SOX8: variants seen among roughly 807,000 people sequenced by gnomAD.
SOX8 encodes transcription factor SOX-8.
Under a neutral mutation model 22.9 loss-of-function variants are expected in SOX8, and 9 were observed. The observed-to-expected ratio is 0.39, with a 90% CI of 0.24 to 0.69. The LOEUF (loss-of-function observed/expected upper bound fraction) is 0.69, where lower values mean the gene tolerates loss of function less well. Among genes scored for constraint, SOX8 ranks in the 30% least tolerant of loss-of-function variants. The pLI is 0.43. For missense variants in SOX8, 734 were observed against 699.4 expected, an observed-to-expected ratio of 1.05 and a Z score of -0.56; for synonymous variants, 416 against 330.6, an observed-to-expected ratio of 1.26 and a Z score of -2.80.
Position 984,080 on chromosome 16 carries a change from T to C in SOX8, c.655+120T>C, listed in dbSNP as rs914833463. ...CAGGCGCCCTCGAGAGAACCGGGCC[T>C]TCCCCGGGTTCCCTGAAAAAGCTCC... On this transcript the variant is annotated intron_variant, in intron 2 of 2. Transcript: ENST00000293894. 3.2e-5 allele frequency: 28 copies of C among 874,254 alleles called. No individual in the cohort carries two copies. The African/African-American group carries it at 4.7e-4, about 15-fold the overall frequency. The allele number at this position is 874,254 out of a possible 1,614,324, so 54.2% of individuals were successfully genotyped here.
chr16:985,812 T>G lies in SOX8; in HGVS notation c.*426T>G. On this transcript the variant is annotated 3_prime_UTR_variant, in exon 3 of 3. Coordinates refer to ENST00000293894, the MANE Select transcript of SOX8 (RefSeq NM_014587.5). ...GAGAGCCCCTGCACTCAAGGCCACA[T>G]TCCCTCGACAACGGCTGCACGGGCT... The G allele has an allele frequency of 6.0e-6, 1 of 167,294 alleles. No individual in the cohort carries two copies. Among genetic ancestry groups the G allele is most frequent in the Non-Finnish European group, 1.3e-5 (1 of 78,838 alleles). 10.4% of individuals were successfully genotyped at this position (167,294 alleles called of 1,614,324 possible). A position where few individuals can be genotyped will look rare whatever the true frequency, so the allele number is the denominator to read the frequency against.
At position 986,083 on chromosome 16, in the gene SOX8, A is replaced by G. The variant is rs2073458946; in HGVS notation, c.*697A>G. ...TTCTGTGTTATTTTATCTTTAATTA[A>G]TGAGGTAATTCGGGCAAAGAGTAGA... On this transcript the variant is annotated 3_prime_UTR_variant, in exon 3 of 3. Transcript: ENST00000293894. 7.3e-6 allele frequency: 1 copy of G among 137,062 alleles called. No individual in the cohort carries two copies. Among genetic ancestry groups the G allele is most frequent in the African/African-American group, 2.5e-5 (1 of 40,484 alleles). 8.5% of individuals were successfully genotyped at this position (137,062 alleles called of 1,614,324 possible).
At position 981,913 on chromosome 16, in the gene SOX8, C is replaced by T. The variant is rs560820826; in HGVS notation, c.-10C>T. On this transcript the variant is annotated 5_prime_UTR_variant, in exon 1 of 3. Coordinates refer to ENST00000293894, the MANE Select transcript of SOX8 (RefSeq NM_014587.5). ...CGTCTCCTGTGCGCGCCCCTCCGCG[C>T]GCGGCCCCGATGCTGGACATGAGCG... The T allele has an allele frequency of 4.8e-6, 6 of 1,250,642 alleles. No homozygotes were observed. The highest frequency in any genetic ancestry group is 5.0e-6 in the Non-Finnish European group (5 of 996,216). 77.5% of individuals were successfully genotyped at this position (1,250,642 alleles called of 1,614,324 possible). A position where few individuals can be genotyped will look rare whatever the true frequency, so the allele number is the denominator to read the frequency against.
rs900543269 is a variant in SOX8 at position 982,195 on chromosome 16, C to T, written c.273C>T (p.Gly91=). The stretch of plus-strand genomic sequence containing the variant: ...TGGTGCCCATGCCGGTGCGCGGCGG[C>T]GGCGGCGGCGCGCTCAAAGCCAAGC... ...WSLVPMPVRG[G]GGGALKAKPH... The change falls in exon 1 of 3, where the codon GGC becomes GGT. Residue 91 remains glycine, a synonymous_variant. Transcript: ENST00000293894. 4.0e-6 allele frequency: 6 copies of T among 1,506,996 alleles called. No individual in the cohort carries two copies. The highest frequency in any genetic ancestry group is 4.2e-5 in the Admixed American group (2 of 47,746). 93.4% of individuals were successfully genotyped at this position (1,506,996 alleles called of 1,614,324 possible).
At position 984,643 on chromosome 16, in the gene SOX8, G is replaced by T. The variant is rs371953161; in HGVS notation, c.656-58G>T. 2.3e-4 allele frequency: 271 copies of T among 1,190,452 alleles called. 1 individual carries two copies. In the East Asian group the frequency reaches 5.3e-3, roughly 23 times the overall value. The allele number at this position is 1,190,452 out of a possible 1,614,324, so 73.7% of individuals were successfully genotyped here. A position where few individuals can be genotyped will look rare whatever the true frequency, so the allele number is the denominator to read the frequency against. The stretch of plus-strand genomic sequence containing the variant: ...CGTCCCTCCCCTTCCAGCCTGGCCG[G>T]CCCCACCCGCCCCACAGAAGGGGCA... On this transcript the variant is annotated intron_variant, in intron 2 of 2. Coordinates refer to ENST00000293894, the MANE Select transcript of SOX8 (RefSeq NM_014587.5).
chr16:982,704 C>T (rs1194223090), intron 1 of SOX8: 4 of 219,054 alleles, frequency 1.8e-5, no homozygotes, highest in African/African-American at 4.5e-5. Context: ...CCGGGAGGCA[C>T]GCCCGGCACG....
intron 1 of SOX8, 142 bp downstream of exon 1, chr16:982,486 C>T (rs571829515): frequency 2.2e-6 from 2 of 927,602 alleles, no homozygotes; most frequent in African/African-American, 3.4e-5. Context: ...GGGCGGGTGT[C>T]AGGGCGGGTC....
chr16:985,004 G>A lies in SOX8; in HGVS notation c.959G>A (p.Ser320Asn). ...AGASPVWAHKSAPSASASPTE... is the reference protein window; with the variant it reads ...AGASPVWAHKNAPSASASPTE... ...GCGTCCCCCGTGTGGGCCCACAAGA[G>A]TGCCCCGTCGGCCTCCGCGTCGCCC... The change falls in exon 3 of 3, where the codon AGT (serine) becomes AAT (asparagine). Residue 320 changes from serine (S) to asparagine (N), a missense_variant. Coordinates refer to ENST00000293894, the MANE Select transcript of SOX8 (RefSeq NM_014587.5). 2 of 1,580,668 alleles carry A rather than the reference G, an allele frequency of 1.3e-6. No individual in the cohort carries two copies. The highest frequency in any genetic ancestry group is 1.1e-5 in the South Asian group (1 of 88,398).
Position 986,934 on chromosome 16 carries a change from T to G in SOX8, c.*1548T>G, listed in dbSNP as rs1397597079. 1.3e-5 allele frequency: 2 copies of G among 152,266 alleles called. No individual in the cohort carries two copies. Among genetic ancestry groups the G allele is most frequent in the Non-Finnish European group, 2.9e-5 (2 of 68,046 alleles). The allele number at this position is 152,266 out of a possible 1,614,324, so 9.4% of individuals were successfully genotyped here. A position where few individuals can be genotyped will look rare whatever the true frequency, so the allele number is the denominator to read the frequency against. The stretch of plus-strand genomic sequence containing the variant: ...CTTTCTGACCAAGCAACGCTAACTT[T>G]TGTACAGATCGATTTGATAAAATTA... On this transcript the variant is annotated 3_prime_UTR_variant, in exon 3 of 3. Transcript: ENST00000293894.
At position 985,278 on chromosome 16, in the gene SOX8, G is replaced by A. The variant is rs368239054; in HGVS notation, c.1233G>A (p.Pro411=). Residue 411 remains proline (P), a synonymous_variant, in exon 3 of 3, where the codon CCG becomes CCA. Transcript: ENST00000293894. ...ACCAGTACCCCTGCTTCCACTCGCC[G>A]CGCCGGCCCTACGCCTCACCCCTGC... ...GLYQYPCFHS[P]RRPYASPLLN... The A allele has an allele frequency of 3.4e-5, 55 of 1,611,426 alleles. No individual in the cohort carries two copies. In the African/African-American group the frequency reaches 3.9e-4, roughly 11 times the overall value.
At position 986,657 on chromosome 16, in the gene SOX8, G is replaced by A. The variant is rs1356183902; in HGVS notation, c.*1271G>A. ...GCTTCCCCTGTGTGCTGAGCATAGA[G>A]CATACAATAGCGCCTACTTCACGGA... On this transcript the variant is annotated 3_prime_UTR_variant, in exon 3 of 3. Transcript: ENST00000293894. 6.6e-6 allele frequency: 1 copy of A among 152,520 alleles called. No homozygotes were observed. Among genetic ancestry groups the A allele is most frequent in the Admixed American group, 6.5e-5 (1 of 15,292 alleles). 9.4% of individuals were successfully genotyped at this position (152,520 alleles called of 1,614,324 possible). A position where few individuals can be genotyped will look rare whatever the true frequency, so the allele number is the denominator to read the frequency against.
Position 985,478 on chromosome 16 carries a change from C to T in SOX8, c.*92C>T. On this transcript the variant is annotated 3_prime_UTR_variant, in exon 3 of 3. Coordinates refer to ENST00000293894, the MANE Select transcript of SOX8 (RefSeq NM_014587.5). ...ACCAGGGCGGGAGGGGCCCCAGTGG[C>T]TGAGCTCCAAGTGCCTGCTGAAGTC... 2 of 1,083,830 alleles carry T rather than the reference C, an allele frequency of 1.8e-6. No homozygotes were observed. Among genetic ancestry groups the T allele is most frequent in the South Asian group, 1.7e-5 (1 of 57,374 alleles). 67.1% of individuals were successfully genotyped at this position (1,083,830 alleles called of 1,614,324 possible).
In SOX8 at chr16:984,000, T is replaced by C. The variant is rs561533380; in HGVS notation, c.655+40T>C. On this transcript the variant is annotated intron_variant, in intron 2 of 2. Transcript: ENST00000293894. ...CCCCGCATATCTGAGGGTCCCTGTA[T>C]GGGAGGCAGCTGTGGGGTTTCTGGC... 2.1e-6 allele frequency: 3 copies of C among 1,437,502 alleles called. No individual in the cohort carries two copies. The South Asian group carries it at 4.3e-5, about 21-fold the overall frequency. The allele number at this position is 1,437,502 out of a possible 1,614,324, so 89.0% of individuals were successfully genotyped here.
rs1413670354 is a variant in SOX8, at chr16:986,856, C to T, written c.*1470C>T. On this transcript the variant is annotated 3_prime_UTR_variant, in exon 3 of 3. Coordinates refer to ENST00000293894, the MANE Select transcript of SOX8 (RefSeq NM_014587.5). ...CGCAGACCCGTTTCATGCAGCGTCTCCCTTGGCACCGCGTTCGGAGGACGC... is the reference window on the plus strand; with the variant it reads ...CGCAGACCCGTTTCATGCAGCGTCTTCCTTGGCACCGCGTTCGGAGGACGC... The T allele has an allele frequency of 6.6e-6, 1 of 152,322 alleles. No homozygotes were observed. Among genetic ancestry groups the T allele is most frequent in the Non-Finnish European group, 1.5e-5 (1 of 68,052 alleles). The allele number at this position is 152,322 out of a possible 1,614,324, so 9.4% of individuals were successfully genotyped here.
chr16:983,857 C>T lies in SOX8; in HGVS notation c.552C>T (p.Ser184=), dbSNP rs758823848. The change falls in exon 2 of 3, where the codon AGC becomes AGT. Residue 184 remains serine (S), a synonymous_variant. Coordinates refer to ENST00000293894, the MANE Select transcript of SOX8 (RefSeq NM_014587.5). ...GGAAGAGCGCCAAAGCCGGCCACAG[C>T]GACTCCGACTCGGGCGCGGAGCTGG... The part of the protein sequence containing the change: ...RRRKSAKAGH[S]DSDSGAELGP... The T allele has an allele frequency of 5.6e-6, 9 of 1,612,394 alleles. No homozygotes were observed. The highest frequency in any genetic ancestry group is 2.2e-5 in the South Asian group (2 of 91,024).
At position 986,122 on chromosome 16, in the gene SOX8, C is replaced by G. The variant is rs769080022; in HGVS notation, c.*736C>G. The stretch of plus-strand genomic sequence containing the variant: ...GCAAAGAGTAGAATTTAAGACAAAA[C>G]GGAAGCTGGGAAGCTTCCCTTGAGG... On this transcript the variant is annotated 3_prime_UTR_variant, in exon 3 of 3. Coordinates refer to ENST00000293894, the MANE Select transcript of SOX8 (RefSeq NM_014587.5). 6.6e-6 allele frequency: 1 copy of G among 152,186 alleles called. No homozygotes were observed. Among genetic ancestry groups the G allele is most frequent in the Admixed American group, 6.5e-5 (1 of 15,284 alleles). The allele number at this position is 152,186 out of a possible 1,614,324, so 9.4% of individuals were successfully genotyped here.
chr16:986,720 C>T lies in SOX8; in HGVS notation c.*1334C>T, dbSNP rs1596202370. On this transcript the variant is annotated 3_prime_UTR_variant, in exon 3 of 3. Coordinates refer to ENST00000293894, the MANE Select transcript of SOX8 (RefSeq NM_014587.5). ...TAAACTTTGTAAACTTAAACACAGCCGAGAAGTTGCTTCTTTGTACTTTTT... is the reference window on the plus strand; with the variant it reads ...TAAACTTTGTAAACTTAAACACAGCTGAGAAGTTGCTTCTTTGTACTTTTT... The T allele has an allele frequency of 1.4e-5, 2 of 147,254 alleles. No homozygotes were observed. Among genetic ancestry groups the T allele is most frequent in the South Asian group, 2.1e-4 (1 of 4,740 alleles). The allele number at this position is 147,254 out of a possible 1,614,324, so 9.1% of individuals were successfully genotyped here.
At chr16:983,455 A>G (rs1359680213) in intron 1 of SOX8, 7 of 330,192 alleles carry the variant, frequency 2.1e-5, no homozygotes, top group Admixed American at 1.9e-4. Flanking sequence ...GGCCCGGAAT[A>G]GGGGGAAATA....
Position 982,279 on chromosome 16 carries a change from G to T in SOX8, c.357G>T (p.Lys119Asn). ...FMVWAQAARR[K>N]LADQYPHLHN... ...TGTGGGCGCAGGCGGCGCGCCGCAA[G>T]CTGGCCGACCAGTACCCGCACCTGC... The change falls in exon 1 of 3, where the codon AAG becomes AAT. Residue 119 changes from lysine (K) to asparagine (N), a missense_variant. Transcript: ENST00000293894. 6.6e-7 allele frequency: 1 copy of T among 1,523,984 alleles called. No homozygotes were observed. The highest frequency in any genetic ancestry group is 1.2e-5 in the South Asian group (1 of 80,370). 94.4% of individuals were successfully genotyped at this position (1,523,984 alleles called of 1,614,324 possible). A position where few individuals can be genotyped will look rare whatever the true frequency, so the allele number is the denominator to read the frequency against.
Sources: gnomAD v4.1 joint callset for allele counts on GRCh38, gnomAD v4.1.1 for gene constraint, MANE v1.5 for transcripts, NCBI Gene and HGNC (gene_info 2026-07-23, HGNC 2026-07-21) for gene names.